FBXW7: variants seen among roughly 807,000 people sequenced by gnomAD.
FBXW7 encodes the protein F-box and WD repeat domain containing 7, also known as F-box/WD repeat-containing protein 7.
FBXW7 carries 11 observed loss-of-function variants against 86.3 expected under a neutral mutation model. That is an observed-to-expected ratio of 0.13 (90% CI 0.08 to 0.21). The LOEUF (loss-of-function observed/expected upper bound fraction) is 0.21. FBXW7 is among the 10% of genes least tolerant of loss of function. FBXW7 has a pLI of 1.00. For synonymous variants in FBXW7, 313 were observed against 297.9 expected (o/e 1.05, Z -0.52); for missense variants, 488 against 847.4 (o/e 0.58, Z 5.27).
intron 2 of FBXW7, among the ~76,000 whole-genome samples, chr4:152,498,584 A>G (rs1355293969): frequency 6.6e-6 from 1 of 152,236 alleles, no homozygotes; most frequent in African/African-American, 2.4e-5. Flanking sequence ...AAAGAGGCAT[A>G]GTACTAGTTT....
chr4:152,501,282 A>G (rs934144572), intron 2 of FBXW7, among the ~76,000 whole-genome samples: 1 of 152,196 alleles, frequency 6.6e-6, no homozygotes, highest in African/African-American at 2.4e-5. Context: ...TTCTCTCAAG[A>G]CAAGTTCCAC....
chr4:152,485,356 C>T (rs1475579683), intron 2 of FBXW7, among the ~76,000 whole-genome samples: 10 of 152,038 alleles, frequency 6.6e-5, no homozygotes, highest in African/African-American at 1.7e-4. Flanking sequence ...CTGGGCTATA[C>T]GCTATAAATA....
At chr4:152,485,697 C>T (rs923523637) in intron 2 of FBXW7, among the ~76,000 whole-genome samples, 1 of 152,110 alleles carries the variant, frequency 6.6e-6, no homozygotes, top group African/African-American at 2.4e-5. Flanking sequence ...GAAACAAGAA[C>T]TTTTGGTAAA....
chr4:152,395,068 T>A (rs1215132558), intron 4 of FBXW7, among the ~76,000 whole-genome samples: 1 of 152,024 alleles, frequency 6.6e-6, no homozygotes, highest in African/African-American at 2.4e-5. Flanking sequence ...GTGTGTGACA[T>A]ATTTTCTCTT....
At chr4:152,516,809 T>C (rs989221070) in intron 2 of FBXW7, among the ~76,000 whole-genome samples, 18 of 152,246 alleles carry the variant, frequency 1.2e-4, no homozygotes, top group African/African-American at 4.1e-4. Flanking sequence ...ACTGTAAACT[T>C]AGTATGGTTG....
chr4:152,411,098 C>T, intron 4 of FBXW7: 1 of 893,518 alleles, frequency 1.1e-6, no homozygotes, highest in Non-Finnish European at 1.5e-6. Flanking sequence ...TACTTTCCCT[C>T]CATTTGTACT....
chr4:152,485,378 A>G (rs1745250615), intron 2 of FBXW7, among the ~76,000 whole-genome samples: 1 of 152,218 alleles, frequency 6.6e-6, no homozygotes, highest in African/African-American at 2.4e-5. Context: ...AAAACTGCAT[A>G]GAAATCTTAA....
chr4:152,515,844 A>C (rs182018399), intron 2 of FBXW7, among the ~76,000 whole-genome samples: 1 of 152,160 alleles, frequency 6.6e-6, no homozygotes, highest in Non-Finnish European at 1.5e-5. Flanking sequence ...GTCATACATA[A>C]AGTAAGAATT....
chr4:152,424,326 A>G (rs1304700829), intron 2 of FBXW7, among the ~76,000 whole-genome samples: 1 of 152,174 alleles, frequency 6.6e-6, no homozygotes, highest in African/African-American at 2.4e-5. Context: ...ATTTTTCTGA[A>G]ACTTTGACTA....
intron 7 of FBXW7, among the ~76,000 whole-genome samples, chr4:152,333,794 C>T (rs569963446): frequency 9.5e-4 from 145 of 152,222 alleles, no homozygotes; most frequent in African/African-American, 3.4e-3. Context: ...TGGCTCACTC[C>T]TGTAATACCA....
At chr4:152,485,510 T>C (rs1189086014) in intron 2 of FBXW7, among the ~76,000 whole-genome samples, 6 of 108,036 alleles carry the variant, frequency 5.6e-5, no homozygotes, top group African/African-American at 2.0e-4. Context: ...ATCTTCATTA[T>C]GGAAGAGGAA....
At chr4:152,529,348 T>C (rs1749807548) in intron 2 of FBXW7, among the ~76,000 whole-genome samples, 1 of 152,218 alleles carries the variant, frequency 6.6e-6, no homozygotes, top group Non-Finnish European at 1.5e-5. Flanking sequence ...GATTATATAC[T>C]CTTTTTTTAA....
chr4:152,411,691 T>C lies in FBXW7; in HGVS notation c.113A>G (p.Glu38Gly), dbSNP rs758603153. Residue 38 changes from glutamate (E) to glycine (G), a missense_variant, in exon 4 of 14, where the codon GAG becomes GGG. Physicochemically the swap from Glu to Gly is moderately conservative, Grantham distance 98. Coordinates refer to ENST00000281708, the MANE Select transcript of FBXW7 (RefSeq NM_001349798.2). The part of the protein sequence containing the change: ...VDEEQMNRVV[E>G]EEQQQQLRQQ... Reference sequence around the variant, plus strand: ...TCTGAGTTGCTGTTGCTGTTCCTCCTCTACCACACGATTCATCTGTTCTTC... The same window carrying C: ...TCTGAGTTGCTGTTGCTGTTCCTCCCCTACCACACGATTCATCTGTTCTTC... The C allele has an allele frequency of 3.7e-6, 6 of 1,613,930 alleles. No homozygotes were observed. The highest frequency in any genetic ancestry group is 1.7e-5 in the Admixed American group (1 of 59,968).
intron 4 of FBXW7, among the ~76,000 whole-genome samples, chr4:152,368,847 A>C (rs907538819): frequency 6.6e-6 from 1 of 152,126 alleles, no homozygotes; most frequent in Non-Finnish European, 1.5e-5. Context: ...ATCTCCAAAC[A>C]AACTACCAAG....
intron 4 of FBXW7, among the ~76,000 whole-genome samples, chr4:152,364,208 T>A (rs1293394516): frequency 6.6e-6 from 1 of 152,178 alleles, no homozygotes; most frequent in Non-Finnish European, 1.5e-5. Flanking sequence ...CAGGCAGTCA[T>A]CAGTGGGCAT....
At chr4:152,439,734 C>A (rs1001271707) in intron 2 of FBXW7, among the ~76,000 whole-genome samples, 5 of 151,920 alleles carry the variant, frequency 3.3e-5, no homozygotes, top group African/African-American at 1.2e-4. Context: ...GGTGTGGTGG[C>A]AGGCACCTGT....
chr4:152,397,695 CAAAAAAAAAAAAAAAA>C (rs397995836), intron 4 of FBXW7, among the ~76,000 whole-genome samples: 62 of 60,376 alleles, frequency 1.0e-3, no homozygotes, highest in Admixed American at 2.1e-3. Flanking sequence ...CCTAAGAAGC[CAAAAAAAAAAAAAAAA>C]AAAAAAAAAA....
chr4:152,388,627 A>G (rs947927924), intron 4 of FBXW7, among the ~76,000 whole-genome samples: 1 of 152,200 alleles, frequency 6.6e-6, no homozygotes, highest in Non-Finnish European at 1.5e-5. Context: ...AAGTTGACAG[A>G]TGACAAAACC....
chr4:152,497,321 CAAAAA>C (rs55764450), intron 2 of FBXW7, among the ~76,000 whole-genome samples: 1 of 51,662 alleles, frequency 1.9e-5, no homozygotes, highest in Non-Finnish European at 3.3e-5. Flanking sequence ...GACTCCATCT[CAAAAA>C]AAAAAAAAAA....
Sources: gnomAD v4.1 joint callset for allele counts (sites outside exome capture counted in the v4.1 genomes callset) on GRCh38, gnomAD v4.1.1 for gene constraint, MANE v1.5 for transcripts, NCBI Gene and HGNC (gene_info 2026-07-23, HGNC 2026-07-21) for gene names.